The following ARHGAP22 variants were observed in gnomAD, a reference collection of about 807,000 sequenced individuals.
The protein encoded by ARHGAP22 is Rho GTPase activating protein 22, also known as rho GTPase-activating protein 22.
In ARHGAP22, 48 loss-of-function variants were observed where a neutral mutation model predicts 59.1. The ratio of observed to expected loss-of-function variants is 0.81; its 90% CI spans 0.64 to 1.03. The LOEUF is 1.03. Among genes scored for constraint, ARHGAP22 ranks in the 50% least tolerant of loss-of-function variants. The pLI, the probability that ARHGAP22 is intolerant of heterozygous loss-of-function variation, is 0.00. For missense variants in ARHGAP22, 1,015 were observed against 958.7 expected, an observed-to-expected ratio of 1.06 and a Z score of -0.78; for synonymous variants, 445 against 416.4, an observed-to-expected ratio of 1.07 and a Z score of -0.84.
chr10:48,573,437 G>A (rs1273139908), intron 2 of ARHGAP22, among the ~76,000 whole-genome samples: 1 of 152,146 alleles, frequency 6.6e-6, no homozygotes, highest in African/African-American at 2.4e-5. Flanking sequence ...CCTGTAATAT[G>A]ACATGCTAAA....
chr10:48,637,283 T>A (rs994325120), intron 1 of ARHGAP22, among the ~76,000 whole-genome samples: 11 of 152,284 alleles, frequency 7.2e-5, no homozygotes, highest in African/African-American at 2.4e-4. Context: ...ACAATAGGTG[T>A]CATTCATCAC....
At position 48,447,626 on chromosome 10, in the gene ARHGAP22, G is replaced by A. The variant is rs188878534; in HGVS notation, c.1869-1007C>T. ...GAGAGAAGCCACCCACCTCCCCACTGCTGCCCCTGGCTCGGGCCTGGACCT... is the reference window on the plus strand; with the variant it reads ...GAGAGAAGCCACCCACCTCCCCACTACTGCCCCTGGCTCGGGCCTGGACCT... On this transcript the variant is annotated intron_variant, in intron 9 of 9. Transcript: ENST00000249601. Among the ~76,000 whole-genome samples, 58 of 152,126 alleles carry A rather than the reference G, an allele frequency of 3.8e-4. 2 individuals carry two copies. In the East Asian group the frequency reaches 9.5e-3, roughly 25 times the overall value.
At chr10:48,489,943 C>T (rs2050216569) in intron 3 of ARHGAP22, among the ~76,000 whole-genome samples, 1 of 152,118 alleles carries the variant, frequency 6.6e-6, no homozygotes, top group Admixed American at 6.6e-5. Flanking sequence ...CCGTGTTAGC[C>T]AGGATGGTCT....
At chr10:48,482,698 T>C (rs1334034214) in intron 3 of ARHGAP22, among the ~76,000 whole-genome samples, 1 of 152,246 alleles carries the variant, frequency 6.6e-6, no homozygotes, top group Non-Finnish European at 1.5e-5. Flanking sequence ...GTACATGTGA[T>C]GTTTTGTTAC....
At chr10:48,465,103 C>T (rs1023925931) in intron 4 of ARHGAP22, among the ~76,000 whole-genome samples, 2 of 152,098 alleles carry the variant, frequency 1.3e-5, no homozygotes, top group Non-Finnish European at 2.9e-5. Flanking sequence ...CCTGGCTGAA[C>T]TCCCTCAGCT....
intron 4 of ARHGAP22, chr10:48,479,228 C>T (rs116780420): frequency 4.6e-6 from 1 of 215,508 alleles, no homozygotes; most frequent in South Asian, 1.0e-4. Context: ...GCCACTCCAC[C>T]TAACCACACC....
At chr10:48,571,361 CTCCAGATGACTTATTCAGTTA>C (rs1241810887) in intron 2 of ARHGAP22, among the ~76,000 whole-genome samples, 2 of 152,180 alleles carry the variant, frequency 1.3e-5, no homozygotes, top group Non-Finnish European at 2.9e-5. Context: ...GATTTCTTTT[CTCCAGATGACTTATTCAGTTA>C]TTCCTCCTAT....
rs1362636180 is a variant in ARHGAP22 at position 48,555,451 on chromosome 10, G to A, written c.322+12C>T. 1.1e-5 allele frequency: 18 copies of A among 1,613,184 alleles called. 1 individual carries two copies. In the Admixed American group the frequency reaches 3.0e-4, roughly 27 times the overall value. On this transcript the variant is annotated intron_variant, in intron 3 of 9. Coordinates refer to ENST00000249601, the MANE Select transcript of ARHGAP22 (RefSeq NM_021226.4). ...CACCAGGGCTGCAGAGCTGGAAGGTGCTCAGGCCTACCTGGGCTGATCTCA... is the reference window on the plus strand; with the variant it reads ...CACCAGGGCTGCAGAGCTGGAAGGTACTCAGGCCTACCTGGGCTGATCTCA...
intron 4 of ARHGAP22, among the ~76,000 whole-genome samples, chr10:48,473,643 T>A (rs967461155): frequency 3.3e-5 from 5 of 152,178 alleles, no homozygotes; most frequent in African/African-American, 1.2e-4. Context: ...ATTCTTCCTA[T>A]TTTGCAAACA....
chr10:48,613,133 A>C (rs2060956628), intron 1 of ARHGAP22, among the ~76,000 whole-genome samples: 1 of 152,176 alleles, frequency 6.6e-6, no homozygotes, highest in Non-Finnish European at 1.5e-5. Flanking sequence ...TCTCGTGCAC[A>C]TGTGCTGCCT....
intron 2 of ARHGAP22, among the ~76,000 whole-genome samples, chr10:48,568,205 G>A (rs11101386): frequency 1.6e-4 from 25 of 152,302 alleles, no homozygotes; most frequent in Non-Finnish European, 3.4e-4. Context: ...TGATGGCCGT[G>A]TAGTACGCAC....
chr10:48,646,828 G>A (rs1262347209), intron 1 of ARHGAP22, among the ~76,000 whole-genome samples: 3 of 152,148 alleles, frequency 2.0e-5, no homozygotes, highest in Non-Finnish European at 4.4e-5. Context: ...GGGTTAGGTG[G>A]ACTCTTAGAT....
chr10:48,466,011 G>C (rs1258086587), intron 4 of ARHGAP22, among the ~76,000 whole-genome samples: 2 of 152,148 alleles, frequency 1.3e-5, no homozygotes, highest in Non-Finnish European at 1.5e-5. Flanking sequence ...AGATCCACCA[G>C]CCAGCCGGCA....
intron 3 of ARHGAP22, among the ~76,000 whole-genome samples, chr10:48,494,191 G>A (rs2050696227): frequency 2.0e-5 from 3 of 152,222 alleles, no homozygotes; most frequent in Admixed American, 1.3e-4. Context: ...CAGAGAAGCT[G>A]ACGCTCCGTG....
intron 1 of ARHGAP22, among the ~76,000 whole-genome samples, chr10:48,648,571 G>A (rs945953924): frequency 1.3e-5 from 2 of 152,206 alleles, no homozygotes; most frequent in Non-Finnish European, 2.9e-5. Flanking sequence ...CAGGTGACCC[G>A]GTGGTTGTGT....
At chr10:48,587,425 A>G (rs1257407490) in intron 1 of ARHGAP22, among the ~76,000 whole-genome samples, 2 of 152,178 alleles carry the variant, frequency 1.3e-5, no homozygotes, top group Non-Finnish European at 2.9e-5. Context: ...CATCTCTAAA[A>G]TTCCTTCAAT....
chr10:48,558,503 G>A (rs1417766552), intron 2 of ARHGAP22, among the ~76,000 whole-genome samples: 4 of 151,954 alleles, frequency 2.6e-5, no homozygotes, highest in African/African-American at 9.7e-5. Flanking sequence ...GACCATAGGT[G>A]TATGCCACCA....
At chr10:48,472,893 T>A (rs2048361773) in intron 4 of ARHGAP22, among the ~76,000 whole-genome samples, 1 of 151,662 alleles carries the variant, frequency 6.6e-6, no homozygotes, top group Non-Finnish European at 1.5e-5. Context: ...GTACTGCCAG[T>A]GGGAATATAA....
chr10:48,604,162 C>G (rs1005775459), intron 1 of ARHGAP22, among the ~76,000 whole-genome samples: 5 of 152,190 alleles, frequency 3.3e-5, no homozygotes, highest in Non-Finnish European at 7.3e-5. Flanking sequence ...GCTGGCTAGC[C>G]CAGTCCTGGA....
Sources: gnomAD v4.1 joint callset for allele counts (sites outside exome capture counted in the v4.1 genomes callset) on GRCh38, gnomAD v4.1.1 for gene constraint, MANE v1.5 for transcripts, NCBI Gene and HGNC (gene_info 2026-07-23, HGNC 2026-07-21) for gene names.